Variants in FOCAD observed in about 807,000 individuals in gnomAD.
The protein encoded by FOCAD is focadhesin.
Under a neutral mutation model 225.6 loss-of-function variants are expected in FOCAD, and 198 were observed. The observed-to-expected ratio is 0.88, with a 90% CI of 0.78 to 0.99. The LOEUF is 0.99. Among genes scored for constraint, FOCAD ranks in the 50% least tolerant of loss-of-function variants. The pLI is 0.00. For synonymous variants in FOCAD, 897 were observed against 755.0 expected (o/e 1.19, Z -3.08); for missense variants, 2,713 against 2,123.6 (o/e 1.28, Z -5.46).
At chr9:20,981,368 G>C in intron 37 of FOCAD, 58 bp from the exon 38 acceptor site, 1 of 1,578,624 alleles carries the variant, frequency 6.3e-7, no homozygotes, top group Non-Finnish European at 8.6e-7. Flanking sequence ...TACAGGTTTT[G>C]AACATTGCAA....
At chr9:20,989,729 G>C (rs772180968) in intron 41 of FOCAD, among the ~76,000 whole-genome samples, 36 of 152,146 alleles carry the variant, frequency 2.4e-4, no homozygotes, top group Non-Finnish European at 4.3e-4. Context: ...TTAAAAATTA[G>C]TTTTGCCCAC....
chr9:20,980,941 C>T (rs1275187832), intron 37 of FOCAD, among the ~76,000 whole-genome samples: 2 of 152,054 alleles, frequency 1.3e-5, no homozygotes, highest in Non-Finnish European at 2.9e-5. Flanking sequence ...ATAAATGGTC[C>T]CAGCATGTCA....
intron 15 of FOCAD, among the ~76,000 whole-genome samples, chr9:20,824,257 A>C (rs1469054849): frequency 6.6e-6 from 1 of 152,104 alleles, no homozygotes; most frequent in African/African-American, 2.4e-5. Context: ...TTACTTTCAT[A>C]ATAAGTAATC....
chr9:20,965,789 T>C (rs191635481), intron 35 of FOCAD, among the ~76,000 whole-genome samples: 234 of 152,334 alleles, frequency 1.5e-3, no homozygotes, highest in Middle Eastern at 3.4e-3. Context: ...ATACAATATG[T>C]GGCCTTTGTG....
Position 20,924,491 on chromosome 9 carries a change from C to T in FOCAD, c.2961+723C>T, listed in dbSNP as rs145585154. Among the ~76,000 whole-genome samples, 439 of 152,230 alleles carry T rather than the reference C, an allele frequency of 2.9e-3. 1 individual carries two copies. Among genetic ancestry groups the T allele is most frequent in the African/African-American group, 0.01 (416 of 41,522 alleles). ...TAAAATGGAGGGATAACAATGCTCA[C>T]CAGATAGGATTGTTCGAAGGATTAA... On this transcript the variant is annotated intron_variant, in intron 25 of 43. Transcript: ENST00000338382.
At chr9:20,732,920 G>A (rs1051402010) in intron 4 of FOCAD, among the ~76,000 whole-genome samples, 1 of 152,132 alleles carries the variant, frequency 6.6e-6, no homozygotes, top group Non-Finnish European at 1.5e-5. Flanking sequence ...GGTGTGTCGG[G>A]GGAGAGCATG....
chr9:20,969,894 G>A (rs888438941), intron 35 of FOCAD, among the ~76,000 whole-genome samples: 3 of 151,568 alleles, frequency 2.0e-5, no homozygotes, highest in African/African-American at 7.3e-5. Flanking sequence ...ATGTCTATGG[G>A]TAACAAACTC....
At chr9:20,870,939 A>G (rs1480792381) in intron 18 of FOCAD, among the ~76,000 whole-genome samples, 1 of 152,186 alleles carries the variant, frequency 6.6e-6, no homozygotes, top group South Asian at 2.1e-4. Flanking sequence ...GTGGTGGCTT[A>G]CACCTGTAAT....
chr9:20,817,565 A>G (rs981019152), intron 11 of FOCAD, among the ~76,000 whole-genome samples: 1 of 150,934 alleles, frequency 6.6e-6, no homozygotes, highest in Non-Finnish European at 1.5e-5. Flanking sequence ...GTTATATTGT[A>G]TTTTGTTTAT....
intron 25 of FOCAD, 60 bp downstream of exon 25, chr9:20,923,828 G>A: frequency 1.5e-6 from 2 of 1,308,836 alleles, no homozygotes; most frequent in Non-Finnish European, 2.2e-6. Flanking sequence ...CTGGCTTTAG[G>A]TAGCCTGGCC....
intron 19 of FOCAD, chr9:20,875,359 CT>C (rs1270400759): frequency 6.5e-6 from 1 of 152,702 alleles, no homozygotes; most frequent in African/African-American, 2.4e-5. Context: ...AAAAAGTAGG[CT>C]GGGTATGATG....
intron 5 of FOCAD, among the ~76,000 whole-genome samples, chr9:20,741,383 G>A (rs1384122208): frequency 2.6e-5 from 4 of 151,806 alleles, no homozygotes; most frequent in Admixed American, 6.6e-5. Context: ...TCTGTGTCGT[G>A]GTATATCTCA....
Position 20,946,848 on chromosome 9 carries a change from C to G in FOCAD, c.3675+28C>G, listed in dbSNP as rs774194405. 4.3e-6 allele frequency: 7 copies of G among 1,609,844 alleles called. 1 individual carries two copies. The Admixed American group carries it at 1.2e-4, about 27-fold the overall frequency. On this transcript the variant is annotated intron_variant, in intron 30 of 43. Transcript: ENST00000338382. ...TGGAACGTGTGCCCTGATTATTTCT[C>G]TCTGTGGGTCTCATGCTGCTGCTAA...
chr9:20,801,411 A>G (rs529206301), intron 11 of FOCAD, among the ~76,000 whole-genome samples: 57 of 152,256 alleles, frequency 3.7e-4, no homozygotes, highest in African/African-American at 1.3e-3. Flanking sequence ...CGAAACCATG[A>G]TCTCAAGTGA....
intron 11 of FOCAD, among the ~76,000 whole-genome samples, chr9:20,816,538 A>G (rs991375923): frequency 6.6e-6 from 1 of 152,040 alleles, no homozygotes; most frequent in African/African-American, 2.4e-5. Context: ...ACAGCTCCAC[A>G]TGCTGCTGTG....
Position 20,978,323 on chromosome 9 carries a change from C to T in FOCAD, c.4262-16C>T, listed in dbSNP as rs1027120886. 3.2e-6 allele frequency: 5 copies of T among 1,554,878 alleles called. No individual in the cohort carries two copies. The African/African-American group carries it at 5.4e-5, about 17-fold the overall frequency. On this transcript the variant is annotated splice_polypyrimidine_tract_variant and intron_variant, in intron 36 of 43. Coordinates refer to ENST00000338382, the MANE Select transcript of FOCAD (RefSeq NM_001375567.1). ...AGTAACTATATATTCAATTCTTTTC[C>T]TTTCTTGACTTTCAGGTGAAGAGAT...
intron 19 of FOCAD, among the ~76,000 whole-genome samples, chr9:20,879,418 G>C (rs1830489629): frequency 6.6e-6 from 1 of 152,094 alleles, no homozygotes; most frequent in African/African-American, 2.4e-5. Context: ...TCAGCATTTG[G>C]GATTATGGTG....
intron 35 of FOCAD, among the ~76,000 whole-genome samples, chr9:20,972,007 T>G (rs76227498): frequency 0.011 from 1,707 of 152,240 alleles, 39 homozygotes; most frequent in African/African-American, 0.038. Flanking sequence ...TCAGTGGACA[T>G]TTGGGTTGCT....
chr9:20,932,024 G>A (rs958019192), intron 27 of FOCAD, among the ~76,000 whole-genome samples: 3 of 151,822 alleles, frequency 2.0e-5, no homozygotes, highest in African/African-American at 7.3e-5. Context: ...GTGGAATGTT[G>A]TTCCACAGCT....
Sources: gnomAD v4.1 joint callset for allele counts (sites outside exome capture counted in the v4.1 genomes callset) on GRCh38, gnomAD v4.1.1 for gene constraint, MANE v1.5 for transcripts, NCBI Gene and HGNC (gene_info 2026-07-23, HGNC 2026-07-21) for gene names.